GLIS3: variants seen among roughly 807,000 people sequenced by gnomAD.
The protein encoded by GLIS3 is zinc finger protein GLIS3.
In GLIS3, 53 loss-of-function variants were observed where a neutral mutation model predicts 78.6. The ratio of observed to expected loss-of-function variants is 0.67; its 90% CI spans 0.54 to 0.85. GLIS3 has a LOEUF of 0.85. GLIS3 is among the 40% of genes least tolerant of loss of function. The probability of loss-of-function intolerance (pLI) is 0.00; values close to 1 mark genes in which losing one functional copy is unlikely to be tolerated. For missense variants in GLIS3, 1,703 were observed against 1,231.1 expected (o/e 1.38, Z -5.74); for synonymous variants, 684 against 509.9 (o/e 1.34, Z -4.60).
upstream of GLIS3, among the ~76,000 whole-genome samples, chr9:4,303,114 G>C (rs932182578): frequency 2.9e-5 from 3 of 102,504 alleles, no homozygotes; most frequent in African/African-American, 8.3e-5. Flanking sequence ...CACCCTGAGT[G>C]CTCTGACAGT....
intron 4 of GLIS3, among the ~76,000 whole-genome samples, chr9:4,092,736 C>A (rs806037): frequency 0.32 from 48,583 of 151,960 alleles, 8,879 homozygotes; most frequent in African/African-American, 0.51. Context: ...TACCTCTTGA[C>A]GGAGCAACCT....
intron 4 of GLIS3, among the ~76,000 whole-genome samples, chr9:4,059,196 A>T (rs1400333196): frequency 6.6e-6 from 1 of 152,218 alleles, no homozygotes; most frequent in African/African-American, 2.4e-5. Flanking sequence ...ATCTGAGCAC[A>T]GACGAGATTT....
chr9:4,050,277 G>T (rs931186746), intron 4 of GLIS3, among the ~76,000 whole-genome samples: 1 of 152,166 alleles, frequency 6.6e-6, no homozygotes, highest in Non-Finnish European at 1.5e-5. Flanking sequence ...ACAGAAAAGG[G>T]TGAGTTCATG....
chr9:4,097,956 A>G (rs1400470995), intron 4 of GLIS3, among the ~76,000 whole-genome samples: 1 of 152,124 alleles, frequency 6.6e-6, no homozygotes, highest in Non-Finnish European at 1.5e-5. Context: ...CCATCGGTCT[A>G]TTTTGGTATT....
intron 4 of GLIS3, among the ~76,000 whole-genome samples, chr9:4,106,161 T>C (rs1830735206): frequency 6.6e-6 from 1 of 152,190 alleles, no homozygotes; most frequent in Non-Finnish European, 1.5e-5. Context: ...TCACTTGAGA[T>C]GGGCCAAAAG....
intron 2 of GLIS3, among the ~76,000 whole-genome samples, chr9:4,126,390 G>C (rs1162764663): frequency 6.6e-6 from 1 of 152,146 alleles, no homozygotes. Flanking sequence ...CTTCCAAAAA[G>C]TCCCTTCACA....
rs552054416 is a variant in GLIS3, at chr9:3,988,660, T to C, written c.1711-51471A>G. Among the ~76,000 whole-genome samples, 64 of 152,082 alleles carry C rather than the reference T, an allele frequency of 4.2e-4. 1 individual carries two copies. The highest frequency in any genetic ancestry group is 8.3e-4 in the South Asian group (4 of 4,832). Reference sequence around the variant, plus strand: ...CATAATCAACTCAGTGAAGGAAGAATAGTCTTTACAACAATTGGTGCTGGA... The same window carrying C: ...CATAATCAACTCAGTGAAGGAAGAACAGTCTTTACAACAATTGGTGCTGGA... On this transcript the variant is annotated intron_variant, in intron 4 of 10. Coordinates refer to ENST00000381971, the MANE Select transcript of GLIS3 (RefSeq NM_001042413.2).
the GLIS3 span, among the ~76,000 whole-genome samples, chr9:4,376,309 G>A: frequency 1.8e-4 from 28 of 152,280 alleles, no homozygotes; most frequent in South Asian, 5.4e-3. Context: ...AGAATTTAAA[G>A]CATTAGGAGT....
chr9:4,203,681 A>G (rs1472113409), intron 2 of GLIS3, among the ~76,000 whole-genome samples: 1 of 152,240 alleles, frequency 6.6e-6, no homozygotes, highest in African/African-American at 2.4e-5. Flanking sequence ...ACTATTCACA[A>G]TAGCAAAGAC....
chr9:3,986,161 C>T (rs764277146), intron 4 of GLIS3, among the ~76,000 whole-genome samples: 1 of 152,200 alleles, frequency 6.6e-6, no homozygotes, highest in Non-Finnish European at 1.5e-5. Flanking sequence ...TGGTGTTTTG[C>T]ATGTCTACAT....
intron 2 of GLIS3, among the ~76,000 whole-genome samples, chr9:4,191,001 C>T (rs1336889392): frequency 1.3e-5 from 2 of 151,780 alleles, no homozygotes; most frequent in Non-Finnish European, 2.9e-5. Flanking sequence ...TTTGTCACCG[C>T]CAGGCCTGCC....
the GLIS3 span, among the ~76,000 whole-genome samples, chr9:4,451,066 G>C: frequency 6.6e-6 from 1 of 152,188 alleles, no homozygotes; most frequent in African/African-American, 2.4e-5. Flanking sequence ...ATTGGATAAA[G>C]TGTCAAGATC....
chr9:4,245,487 A>G (rs1002899822), intron 2 of GLIS3, among the ~76,000 whole-genome samples: 1 of 152,252 alleles, frequency 6.6e-6, no homozygotes, highest in Non-Finnish European at 1.5e-5. Context: ...TGTACAGGAA[A>G]CAACGTAGAC....
chr9:4,132,641 T>G (rs893201181), intron 2 of GLIS3, among the ~76,000 whole-genome samples: 1 of 151,462 alleles, frequency 6.6e-6, no homozygotes, highest in Non-Finnish European at 1.5e-5. Context: ...ATTAACCCAG[T>G]CCCCCATGGA....
chr9:3,850,092 C>T (rs1375568875), intron 9 of GLIS3, among the ~76,000 whole-genome samples: 1 of 152,190 alleles, frequency 6.6e-6, no homozygotes, highest in Non-Finnish European at 1.5e-5. Context: ...TTGATACCTT[C>T]TAATTACAGC....
intron 2 of GLIS3, among the ~76,000 whole-genome samples, chr9:4,144,528 C>T (rs894611322): frequency 2.6e-5 from 4 of 152,114 alleles, no homozygotes; most frequent in African/African-American, 9.7e-5. Flanking sequence ...TAAGCATGAG[C>T]TCATTGGACT....
At chr9:4,380,225 G>T in the GLIS3 span, among the ~76,000 whole-genome samples, 2 of 152,178 alleles carry the variant, frequency 1.3e-5, no homozygotes, top group Non-Finnish European at 2.9e-5. Context: ...TTGCCTTCTT[G>T]CCTGCTAATT....
chr9:4,259,324 C>G (rs1426504170), intron 2 of GLIS3, among the ~76,000 whole-genome samples: 4 of 151,988 alleles, frequency 2.6e-5, no homozygotes, highest in African/African-American at 9.7e-5. Flanking sequence ...CCCCAGTCCA[C>G]TACTAGCAGT....
chr9:4,166,042 C>G (rs1835863877), intron 2 of GLIS3, among the ~76,000 whole-genome samples: 1 of 152,158 alleles, frequency 6.6e-6, no homozygotes, highest in Non-Finnish European at 1.5e-5. Flanking sequence ...GCCTTCAAAG[C>G]CTGGGCTACT....
Sources: allele counts gnomAD v4.1 joint callset (sites outside exome capture counted in the v4.1 genomes callset), GRCh38; gene constraint gnomAD v4.1.1; transcripts MANE v1.5; gene names NCBI Gene and HGNC (gene_info 2026-07-23, HGNC 2026-07-21).